The following HECW1 variants were observed in gnomAD, a reference collection of about 807,000 sequenced individuals.
The protein encoded by HECW1 is E3 ubiquitin-protein ligase HECW1.
In HECW1, 61 loss-of-function variants were observed where a neutral mutation model predicts 182.3. That is an observed-to-expected ratio of 0.33 (90% confidence interval 0.27 to 0.41). The LOEUF (loss-of-function observed/expected upper bound fraction) is 0.41, where lower values mean the gene tolerates loss of function less well. Among genes scored for constraint, HECW1 ranks in the 10% least tolerant of loss-of-function variants. The pLI is 1.00. For synonymous variants in HECW1, 859 were observed against 832.6 expected, an observed-to-expected ratio of 1.03 and a Z score of -0.55; for missense variants, 1,739 against 2,108.9, an observed-to-expected ratio of 0.82 and a Z score of 3.44.
chr7:43,494,374 G>A (rs1483156486), intron 19 of HECW1, among the ~76,000 whole-genome samples: 5 of 151,890 alleles, frequency 3.3e-5, no homozygotes, highest in Admixed American at 1.3e-4. Flanking sequence ...ACCATACAGG[G>A]GTTTCTCCTA....
intron 2 of HECW1, among the ~76,000 whole-genome samples, chr7:43,160,525 G>A (rs773947379): frequency 2.0e-5 from 3 of 152,112 alleles, no homozygotes; most frequent in South Asian, 2.1e-4. Context: ...CTAGAGGCAC[G>A]CGTTGAGTAA....
rs10263879 is a variant in HECW1, at chr7:43,499,791, G to A, written c.3438-908G>A. Among the ~76,000 whole-genome samples, 432 of 152,256 alleles carry A rather than the reference G, an allele frequency of 2.8e-3. 6 individuals are homozygous for A. In the East Asian group the frequency reaches 0.034, roughly 12 times the overall value. On this transcript the variant is annotated intron_variant, in intron 19 of 29. Coordinates refer to ENST00000395891, the MANE Select transcript of HECW1 (RefSeq NM_015052.5). ...GTAATATTTGAGTAACATCAGGGAAGCAAATTAAAAAGTTAATTTGATCCA... is the reference window on the plus strand; with the variant it reads ...GTAATATTTGAGTAACATCAGGGAAACAAATTAAAAAGTTAATTTGATCCA...
Position 43,426,444 on chromosome 7 carries a change from T to G in HECW1, c.802-11559T>G, listed in dbSNP as rs151029893. ...GACCAAGGAGAAAGGGTCTCTTGAT[T>G]TCACAGGAGGGATCATATGGATAGC... is the stretch of plus-strand genomic sequence containing the variant. On this transcript the variant is annotated intron_variant, in intron 8 of 29. Transcript: ENST00000395891. Among the ~76,000 whole-genome samples the G allele has an allele frequency of 4.2e-3, 645 of 152,294 alleles. 4 individuals are homozygous for G. The highest frequency in any genetic ancestry group is 4.7e-3 in the Non-Finnish European group (320 of 68,014).
intron 2 of HECW1, among the ~76,000 whole-genome samples, chr7:43,141,394 C>G (rs1382759047): frequency 6.6e-6 from 1 of 152,182 alleles, no homozygotes; most frequent in African/African-American, 2.4e-5. Context: ...GCACCTGGGG[C>G]TGAGCCCTTT....
chr7:43,320,474 C>T (rs546518208), intron 4 of HECW1, among the ~76,000 whole-genome samples, 161 bp from the exon 5 acceptor site: 2 of 152,278 alleles, frequency 1.3e-5, no homozygotes, highest in East Asian at 3.9e-4. Context: ...GTCCCAATGG[C>T]GTCTTGGGGT....
At chr7:43,155,984 G>A (rs769895071) in intron 2 of HECW1, among the ~76,000 whole-genome samples, 2 of 152,184 alleles carry the variant, frequency 1.3e-5, no homozygotes, top group Non-Finnish European at 2.9e-5. Flanking sequence ...GTTTAAAACA[G>A]TAAATCCAGA....
chr7:43,223,591 C>G (rs1299908775), intron 2 of HECW1, among the ~76,000 whole-genome samples: 1 of 151,800 alleles, frequency 6.6e-6, no homozygotes, highest in Non-Finnish European at 1.5e-5. Context: ...TCCACTCCAG[C>G]TTGGGCAACA....
At position 43,319,404 on chromosome 7, in the gene HECW1, A is replaced by AAAAAAAAAAAAAG. The variant is rs1809768102; in HGVS notation, c.353-1226_353-1225insAAAAAAAGAAAAA. Among the ~76,000 whole-genome samples, 3 of 146,740 alleles carry AAAAAAAAAAAAAG rather than the reference A, an allele frequency of 2.0e-5. No homozygotes were observed. In the Admixed American group the frequency reaches 2.0e-4, roughly 10 times the overall value. On this transcript the variant is annotated intron_variant, in intron 4 of 29. Coordinates refer to ENST00000395891, the MANE Select transcript of HECW1 (RefSeq NM_015052.5). ...GCGAGACTCCGTCTCAAAAAAAAAA[A>AAAAAAAAAAAAAG]AAAAAGAGAGAACATCGATAGGTTG... is the stretch of plus-strand genomic sequence containing the variant.
chr7:43,473,899 C>T (rs962634928), intron 16 of HECW1, among the ~76,000 whole-genome samples: 1 of 151,846 alleles, frequency 6.6e-6, no homozygotes, highest in African/African-American at 2.4e-5. Flanking sequence ...AGTAAGATAA[C>T]AAGTAAGTAA....
intron 3 of HECW1, among the ~76,000 whole-genome samples, chr7:43,278,932 C>T (rs539125576): frequency 1.3e-5 from 2 of 152,308 alleles, no homozygotes; most frequent in Admixed American, 1.3e-4. Context: ...CATTAGGATT[C>T]AAGCTCTGTG....
At position 43,561,823 on chromosome 7, in the gene HECW1, C is replaced by T; in HGVS notation, c.4718C>T (p.Thr1573Ile). ...CTCTTCTCCCCATTCAGGGCACACA[C>T]ATGCTTCAACCGACTGGATCTTCCA... ...GKITSLPRAH[T>I]CFNRLDLPPY... Residue 1573 changes from threonine (T) to isoleucine (I), a missense_variant, in exon 30 of 30, where the codon ACA becomes ATA. Around this residue, in one of 5 missense-constraint regions of HECW1, gnomAD observed 420 missense variants for 595.7 expected, o/e 0.71. Transcript: ENST00000395891. 6.2e-7 allele frequency: 1 copy of T among 1,611,164 alleles called. No homozygotes were observed. Among genetic ancestry groups the T allele is most frequent in the Non-Finnish European group, 8.5e-7 (1 of 1,177,306 alleles).
At chr7:43,440,980 C>T (rs774787862) in intron 9 of HECW1, among the ~76,000 whole-genome samples, 25 of 152,096 alleles carry the variant, frequency 1.6e-4, no homozygotes, top group Non-Finnish European at 3.4e-4. Context: ...TTTTTATTTT[C>T]ATGTCACAAA....
In HECW1 at chr7:43,444,150, C is replaced by T. The variant is rs1050581216; in HGVS notation, c.1046-68C>T. The T allele has an allele frequency of 2.0e-6, 3 of 1,468,124 alleles. No homozygotes were observed. The highest frequency in any genetic ancestry group is 2.8e-6 in the Non-Finnish European group (3 of 1,084,094). The allele number at this position is 1,468,124 out of a possible 1,614,324, so 90.9% of individuals were successfully genotyped here. A position where few individuals can be genotyped will look rare whatever the true frequency, so the allele number is the denominator to read the frequency against. ...TCCCTTAGTGATGGCTTACATGTCC[C>T]ACAGGGTATCCTAACACCACAATGC... On this transcript the variant is annotated intron_variant, in intron 10 of 29. Transcript: ENST00000395891. This position sits in a 1 kb window ranked among gnomAD's most constrained non-coding sequence, Gnocchi z 4.3.
At chr7:43,191,014 A>G (rs1793870890) in intron 2 of HECW1, among the ~76,000 whole-genome samples, 1 of 152,082 alleles carries the variant, frequency 6.6e-6, no homozygotes, top group Non-Finnish European at 1.5e-5. Context: ...CAAGCAAGCT[A>G]TCCCAGAAAT....
At chr7:43,449,317 G>A (rs2077161056) in intron 11 of HECW1, among the ~76,000 whole-genome samples, 1 of 152,156 alleles carries the variant, frequency 6.6e-6, no homozygotes, top group African/African-American at 2.4e-5. Flanking sequence ...GGCATGAGGG[G>A]AACCTTCCTT....
intron 3 of HECW1, among the ~76,000 whole-genome samples, chr7:43,247,863 A>AAGAG (rs1333401345): frequency 8.8e-6 from 1 of 113,066 alleles, no homozygotes; most frequent in Non-Finnish European, 1.6e-5. Context: ...GAAGGAAAGA[A>AAGAG]AGAAGAAAGC....
chr7:43,394,407 T>C (rs2075154929), intron 6 of HECW1, among the ~76,000 whole-genome samples: 1 of 152,212 alleles, frequency 6.6e-6, no homozygotes, highest in African/African-American at 2.4e-5. Context: ...TAGGTCCCAT[T>C]GCTCCATGCA....
At chr7:43,494,934 C>T (rs951217465) in intron 19 of HECW1, among the ~76,000 whole-genome samples, 13 of 152,160 alleles carry the variant, frequency 8.5e-5, no homozygotes, top group African/African-American at 3.1e-4. Context: ...AGGCTGCGTA[C>T]TCTCCTGCCT....
chr7:43,123,294 C>A (rs1398389310), intron 2 of HECW1, among the ~76,000 whole-genome samples: 1 of 152,148 alleles, frequency 6.6e-6, no homozygotes, highest in Non-Finnish European at 1.5e-5. Flanking sequence ...CAGAACATTG[C>A]CCTTGTCAGG....
Sources: gnomAD v4.1 joint callset for allele counts (sites outside exome capture counted in the v4.1 genomes callset) on GRCh38, gnomAD v4.1.1 for gene constraint, gnomAD v4.1.1 regional missense constraint, Gnocchi (gnomAD v3.1) non-coding constraint, MANE v1.5 for transcripts, NCBI Gene and HGNC (gene_info 2026-07-23, HGNC 2026-07-21) for gene names.